Variants in CCDC50 observed in about 807,000 individuals in gnomAD.
CCDC50 encodes the protein coiled-coil domain-containing protein 50.
A neutral mutation model predicts 70.2 loss-of-function variants in CCDC50; 54 were observed. That is an observed-to-expected ratio of 0.77 (90% confidence interval 0.62 to 0.96). The LOEUF is 0.96. Ranked by LOEUF, CCDC50 falls within the 50% of genes least tolerant of loss-of-function variation. CCDC50 has a pLI of 0.00. For synonymous variants in CCDC50, 216 were observed against 198.8 expected, an observed-to-expected ratio of 1.09 and a Z score of -0.73; for missense variants, 558 against 578.7, an observed-to-expected ratio of 0.96 and a Z score of 0.37.
Position 191,351,172 on chromosome 3 carries a change from G to A in CCDC50, c.50-5916G>A, listed in dbSNP as rs1408920085. Among the ~76,000 whole-genome samples the A allele has an allele frequency of 1.4e-5, 2 of 142,118 alleles. 1 individual carries two copies. The highest frequency in any genetic ancestry group is 5.0e-5 in the African/African-American group (2 of 39,904). 93.2% of individuals were successfully genotyped at this position (142,118 alleles called of 152,430 possible). On this transcript the variant is annotated intron_variant, in intron 1 of 11. Coordinates refer to ENST00000392455, the MANE Select transcript of CCDC50 (RefSeq NM_178335.3). ...AAGGAGAGAAACTTGCTGTAAATGA[G>A]CTTTTTAAAATAACAATCTGAAATA...
rs971210845 is a variant in CCDC50, at chr3:191,394,988, T to G, written c.*3228T>G. On this transcript the variant is annotated 3_prime_UTR_variant, in exon 12 of 12. Coordinates refer to ENST00000392455, the MANE Select transcript of CCDC50 (RefSeq NM_178335.3). ...ACCAATAAATTACAAAAGCAGAAAA[T>G]GAAAATTAACCCTAGGTGTTCTGAT... 6.6e-6 allele frequency: 1 copy of G among 151,994 alleles called. No homozygotes were observed. The highest frequency in any genetic ancestry group is 1.5e-5 in the Non-Finnish European group (1 of 67,930). The allele number at this position is 151,994 out of a possible 1,614,324, so 9.4% of individuals were successfully genotyped here. A position where few individuals can be genotyped will look rare whatever the true frequency, so the allele number is the denominator to read the frequency against.
rs1713761122 is a variant in CCDC50 at position 191,393,384 on chromosome 3, T to TC, written c.*1627dup. 1 of 152,182 alleles carries TC rather than the reference T, an allele frequency of 6.6e-6. No individual in the cohort carries two copies. Among genetic ancestry groups the TC allele is most frequent in the Non-Finnish European group, 1.5e-5 (1 of 68,024 alleles). 9.4% of individuals were successfully genotyped at this position (152,182 alleles called of 1,614,324 possible). ...CACTAGAGAAAAATGTTAATTTTTTTCCCACTGTGAATTGCCTTCTGTTTG... is the reference window on the plus strand; with the variant it reads ...CACTAGAGAAAAATGTTAATTTTTTTCCCCACTGTGAATTGCCTTCTGTTTG... On this transcript the variant is annotated 3_prime_UTR_variant, in exon 12 of 12. Transcript: ENST00000392455.
chr3:191,336,595 A>G (rs1711525894), intron 1 of CCDC50, among the ~76,000 whole-genome samples: 1 of 152,168 alleles, frequency 6.6e-6, no homozygotes, highest in Non-Finnish European at 1.5e-5. Flanking sequence ...GCCCATGTCC[A>G]TGCTTTTAAA....
rs1477444118 is a variant in CCDC50, at chr3:191,395,611, TAG to T, written c.*3853_*3854del. Reference sequence around the variant, plus strand: ...AAACAGCTTTCTGAAGGACTGATAATAGAATAGAACTTGCAGCCAAAGGCTTT... The same window carrying T: ...AAACAGCTTTCTGAAGGACTGATAATAATAGAACTTGCAGCCAAAGGCTTT... On this transcript the variant is annotated 3_prime_UTR_variant, in exon 12 of 12. Transcript: ENST00000392455. The T allele has an allele frequency of 6.6e-6, 1 of 152,172 alleles. No individual in the cohort carries two copies. 9.4% of individuals were successfully genotyped at this position (152,172 alleles called of 1,614,324 possible).
intron 1 of CCDC50, among the ~76,000 whole-genome samples, chr3:191,336,793 G>A (rs921797432): frequency 6.6e-6 from 1 of 152,092 alleles, no homozygotes; most frequent in African/African-American, 2.4e-5. Flanking sequence ...CCAATACAAG[G>A]ATCTTCTCCT....
chr3:191,344,771 A>G (rs537530828), intron 1 of CCDC50, among the ~76,000 whole-genome samples: 25 of 152,134 alleles, frequency 1.6e-4, no homozygotes, highest in Admixed American at 1.5e-3. Context: ...TGGAGACGAG[A>G]TTTCACTCTG....
intron 1 of CCDC50, among the ~76,000 whole-genome samples, chr3:191,353,838 G>A (rs879516271): frequency 2.6e-5 from 4 of 151,370 alleles, no homozygotes; most frequent in Non-Finnish European, 5.9e-5. Context: ...ATGTGTTCAT[G>A]TACTTCCTCA....
At chr3:191,341,349 A>G (rs1379030368) in intron 1 of CCDC50, among the ~76,000 whole-genome samples, 1 of 152,120 alleles carries the variant, frequency 6.6e-6, no homozygotes, top group Non-Finnish European at 1.5e-5. Flanking sequence ...TTTAGTCCTC[A>G]CAACATTTAT....
intron 4 of CCDC50, among the ~76,000 whole-genome samples, chr3:191,362,229 C>A (rs1458121730): frequency 6.6e-6 from 1 of 152,070 alleles, no homozygotes; most frequent in Non-Finnish European, 1.5e-5. Context: ...CTTAAGTGAT[C>A]CTCTCTGCCT....
At chr3:191,346,678 T>G (rs998579191) in intron 1 of CCDC50, among the ~76,000 whole-genome samples, 1 of 152,178 alleles carries the variant, frequency 6.6e-6, no homozygotes, top group Non-Finnish European at 1.5e-5. Flanking sequence ...CTAGGACCAG[T>G]GGATAATCAC....
Position 191,354,083 on chromosome 3 carries a change from A to G in CCDC50, c.50-3005A>G, listed in dbSNP as rs147133409. ...CATATCTTCATGTTCATGGTTTAGC[A>G]ATATGTGCTGTTGACAACATGAAAT... is the stretch of plus-strand genomic sequence containing the variant. On this transcript the variant is annotated intron_variant, in intron 1 of 11. Coordinates refer to ENST00000392455, the MANE Select transcript of CCDC50 (RefSeq NM_178335.3). 1.3e-3 allele frequency among the ~76,000 whole-genome samples: 203 copies of G among 152,310 alleles called. 1 individual carries two copies. Among genetic ancestry groups the G allele is most frequent in the African/African-American group, 4.7e-3 (195 of 41,580 alleles).
intron 5 of CCDC50, among the ~76,000 whole-genome samples, chr3:191,371,270 G>GTGATGT (rs1339617897): frequency 6.6e-6 from 1 of 152,130 alleles, no homozygotes; most frequent in Non-Finnish European, 1.5e-5. Context: ...GATGGTGATG[G>GTGATGT]TGTGGTGGTG....
At chr3:191,357,747 A>G (rs545853209) in intron 2 of CCDC50, among the ~76,000 whole-genome samples, 21 of 152,310 alleles carry the variant, frequency 1.4e-4, no homozygotes, top group African/African-American at 4.8e-4. Flanking sequence ...ATTTGTGTAG[A>G]TGTCCTGGCA....
At chr3:191,389,428 C>A in intron 10 of CCDC50, 68 bp from the exon 11 acceptor site, 1 of 1,296,980 alleles carries the variant, frequency 7.7e-7, no homozygotes, top group Non-Finnish European at 1.1e-6. Context: ...GCTTGCAATC[C>A]AGTAAGAGGG....
In CCDC50 at chr3:191,375,401, G is replaced by C. The variant is rs534593003; in HGVS notation, c.788G>C (p.Arg263Pro). 104 of 1,613,724 alleles carry C rather than the reference G, an allele frequency of 6.4e-5. No individual in the cohort carries two copies. In the South Asian group the frequency reaches 1.1e-3, roughly 17 times the overall value. The change falls in exon 6 of 12, where the codon CGA becomes CCA. Residue 263 changes from arginine (R) to proline (P), a missense_variant. By Grantham distance (103) the Arg-to-Pro change is moderately radical. Transcript: ENST00000392455. Reference protein sequence around the residue: ...DWETKINHQTRNWEKQSRHQD... With the variant: ...DWETKINHQTPNWEKQSRHQD... ...GAGACTAAGATTAACCATCAGACTC[G>C]AAATTGGGAAAAACAGTCTCGACAC...
chr3:191,357,851 C>T (rs1473697712), intron 2 of CCDC50, 147 bp from the exon 3 acceptor site: 7 of 986,928 alleles, frequency 7.1e-6, no homozygotes, highest in South Asian at 4.1e-5. Flanking sequence ...TAATTCCTTG[C>T]TCTTTATTAT....
At chr3:191,347,072 T>G (rs1369829564) in intron 1 of CCDC50, among the ~76,000 whole-genome samples, 1 of 141,962 alleles carries the variant, frequency 7.0e-6, no homozygotes, top group African/African-American at 2.5e-5. Context: ...TGTAAGAAGT[T>G]TGCAGAGGAT....
rs1434759061 is a variant in CCDC50, at chr3:191,369,987, GT to G, written c.401del (p.Phe134SerfsTer44). 6.2e-7 allele frequency: 1 copy of G among 1,613,532 alleles called. No individual in the cohort carries two copies. The highest frequency in any genetic ancestry group is 8.5e-7 in the Non-Finnish European group (1 of 1,179,630). On this transcript the variant is annotated frameshift_variant, in exon 5 of 12. Coordinates refer to ENST00000392455, the MANE Select transcript of CCDC50 (RefSeq NM_178335.3). LOFTEE classifies it high-confidence loss of function. The part of the protein sequence containing the change: ...EKKRKKHFPE[F>X]PATRAYADSY... ...AAAAGAGAAAGAAACACTTTCCAGA[GT>G]TCCCTGCAACCCGTGCTTATGCAGA... is the stretch of plus-strand genomic sequence containing the variant.
chr3:191,343,552 T>G (rs1054242256), intron 1 of CCDC50, among the ~76,000 whole-genome samples: 6 of 152,252 alleles, frequency 3.9e-5, no homozygotes. Context: ...AAGTGCTTCC[T>G]TTTTACTCAT....
Sources: gnomAD v4.1 joint callset for allele counts (sites outside exome capture counted in the v4.1 genomes callset) on GRCh38, gnomAD v4.1.1 for gene constraint, MANE v1.5 for transcripts, NCBI Gene and HGNC (gene_info 2026-07-23, HGNC 2026-07-21) for gene names.